The following UNC13A variants were observed in gnomAD, a reference collection of about 807,000 sequenced individuals.
UNC13A encodes the protein protein unc-13 homolog A.
In UNC13A, 61 loss-of-function variants were observed where a neutral mutation model predicts 219.7. That is an observed-to-expected ratio of 0.28 (90% CI 0.23 to 0.34). The LOEUF (loss-of-function observed/expected upper bound fraction) is 0.34, where lower values mean the gene tolerates loss of function less well. UNC13A is among the 10% of genes least tolerant of loss of function. UNC13A has a pLI of 1.00. For synonymous variants in UNC13A, 920 were observed against 884.6 expected (o/e 1.04, Z -0.71); for missense variants, 1,476 against 2,270.3 (o/e 0.65, Z 7.11).
Position 17,668,714 on chromosome 19 carries a change from C to T in UNC13A, c.395-524G>A, listed in dbSNP as rs10412958. ...ATGTTGGCCAGGCTGCTCTCAAACT[C>T]CTGACATCAGGTGATCCATCTGCCT... On this transcript the variant is annotated intron_variant, in intron 5 of 43. Transcript: ENST00000519716. Among the ~76,000 whole-genome samples, 692 of 152,296 alleles carry T rather than the reference C, an allele frequency of 4.5e-3. 7 individuals carry two copies. The highest frequency in any genetic ancestry group is 0.015 in the African/African-American group (618 of 41,566).
At chr19:17,629,130 C>T in intron 31 of UNC13A, 110 bp downstream of exon 31, 1 of 871,382 alleles carries the variant, frequency 1.1e-6, no homozygotes, top group Admixed American at 2.2e-5. Flanking sequence ...TCAGATCACA[C>T]ACAGGTGGAC....
chr19:17,615,640 C>T (rs1405278344), intron 41 of UNC13A, among the ~76,000 whole-genome samples: 3 of 151,036 alleles, frequency 2.0e-5, no homozygotes, highest in African/African-American at 7.3e-5. Flanking sequence ...CTGAGATTTC[C>T]CCACTGCATT....
In UNC13A at chr19:17,605,287, TCA is replaced by T. The variant is rs2076509485; in HGVS notation, c.*765_*766del. ...CAAGTCTCAAGCAGCTCTTTAAGCC[TCA>T]GTTTTGCCATCTGTCAAATGGGTGT... On this transcript the variant is annotated 3_prime_UTR_variant, in exon 44 of 44. Coordinates refer to ENST00000519716, the MANE Select transcript of UNC13A (RefSeq NM_001080421.3). The T allele has an allele frequency of 6.5e-6, 1 of 152,844 alleles. No individual in the cohort carries two copies. Among genetic ancestry groups the T allele is most frequent in the Admixed American group, 6.5e-5 (1 of 15,284 alleles). 9.5% of individuals were successfully genotyped at this position (152,844 alleles called of 1,614,324 possible).
intron 15 of UNC13A, 72 bp downstream of exon 15, chr19:17,648,840 A>C (rs2079292776): frequency 1.3e-6 from 2 of 1,535,818 alleles, no homozygotes; most frequent in Admixed American, 2.1e-5. Context: ...GGACCCACAG[A>C]GGCTTGGACA....
At chr19:17,643,460 C>T (rs1354565437) in intron 19 of UNC13A, among the ~76,000 whole-genome samples, 1 of 151,578 alleles carries the variant, frequency 6.6e-6, no homozygotes, top group Non-Finnish European at 1.5e-5. Context: ...GCTGGGATTA[C>T]AGGCATGTGC....
In UNC13A at chr19:17,656,027, G is replaced by GCTTCC; in HGVS notation, c.1138_1139insGGAAG (p.Ala380GlyfsTer126). The GCTTCC allele has an allele frequency of 1.3e-6, 2 of 1,569,984 alleles. No homozygotes were observed. Among genetic ancestry groups the GCTTCC allele is most frequent in the Non-Finnish European group, 1.7e-6 (2 of 1,157,096 alleles). ...GGCCTTGTCCTCCTTCCCTGGGGCA[G>GCTTCC]CTGGCGGGAGGCTGATGCGTTTGAA... On this transcript the variant is annotated frameshift_variant, in exon 10 of 44. Transcript: ENST00000519716. LOFTEE classifies it high-confidence loss of function.
At chr19:17,616,490 G>C in intron 41 of UNC13A, 1 of 675,262 alleles carries the variant, frequency 1.5e-6, no homozygotes, top group Middle Eastern at 2.4e-4. Context: ...GGTGGAAGGG[G>C]GAGAGAGGTG....
Position 17,656,317 on chromosome 19 carries a change from G to C in UNC13A, c.849C>G (p.Asp283Glu). The C allele has an allele frequency of 6.4e-7, 1 of 1,556,440 alleles. No individual in the cohort carries two copies. Among genetic ancestry groups the C allele is most frequent in the African/African-American group, 1.4e-5 (1 of 73,474 alleles). Residue 283 changes from aspartate to glutamate, a missense_variant, in exon 10 of 44, where the codon GAC (aspartate) becomes GAG (glutamate). Around this residue, in one of 14 missense-constraint regions of UNC13A, gnomAD observed 351 missense variants for 342.6 expected, o/e 1.02. Coordinates refer to ENST00000519716, the MANE Select transcript of UNC13A (RefSeq NM_001080421.3). ...SSQLSEDFDP[D>E]EHSLQGSDME... ...TGTCGGAGCCCTGCAGGCTGTGCTC[G>C]TCAGGGTCGAAGTCCTCGCTCAGCT...
At chr19:17,648,691 T>C (rs183274032) in intron 15 of UNC13A, 41 bp from the exon 16 acceptor site, 1 of 1,580,488 alleles carries the variant, frequency 6.3e-7, no homozygotes, top group African/African-American at 1.3e-5. Flanking sequence ...GCGCCTAACC[T>C]GGCGCTGTCC....
intron 1 of UNC13A, among the ~76,000 whole-genome samples, chr19:17,681,405 T>A (rs1243311011): frequency 6.6e-6 from 1 of 152,076 alleles, no homozygotes; most frequent in Non-Finnish European, 1.5e-5. Flanking sequence ...TTGTGTGTGA[T>A]GTTGGTGGAG....
rs770502091 is a variant in UNC13A at position 17,632,800 on chromosome 19, C to T, written c.3410G>A (p.Arg1137His). 1.3e-5 allele frequency: 21 copies of T among 1,613,724 alleles called. No individual in the cohort carries two copies. Among genetic ancestry groups the T allele is most frequent in the South Asian group, 5.5e-5 (5 of 91,078 alleles). The stretch of plus-strand genomic sequence containing the variant: ...GACTTACGCAGGGTACTCAGGCACG[C>T]GGTCCTTGAAGGCGGGAAGTTCCGT... ...YVTELPAFKDRVPEYPAWFEP... is the reference protein window; with the variant it reads ...YVTELPAFKDHVPEYPAWFEP... The change falls in exon 28 of 44, where the codon CGC (arginine) becomes CAC (histidine). Residue 1137 changes from arginine to histidine, a missense_variant. Physicochemically the swap from Arg to His is conservative, Grantham distance 29 (BLOSUM62 0). Around this residue, in one of 14 missense-constraint regions of UNC13A, gnomAD observed 218 missense variants for 409.4 expected, o/e 0.53. Coordinates refer to ENST00000519716, the MANE Select transcript of UNC13A (RefSeq NM_001080421.3).
intron 4 of UNC13A, among the ~76,000 whole-genome samples, chr19:17,671,291 G>T (rs1053751591): frequency 4.6e-5 from 7 of 152,176 alleles, no homozygotes; most frequent in African/African-American, 1.2e-4. Flanking sequence ...ATCTGGGAGG[G>T]GTAGAGGTTA....
At position 17,630,766 on chromosome 19, in the gene UNC13A, G is replaced by C. The variant is rs367729236; in HGVS notation, c.3429-16C>G. ...TTCAAACCATCTGGAATGAAGAGCC[G>C]GGGTGGGGCTCTGCCACCTCTTGTC... On this transcript the variant is annotated splice_polypyrimidine_tract_variant and intron_variant, in intron 28 of 43. Transcript: ENST00000519716. 4 of 1,608,130 alleles carry C rather than the reference G, an allele frequency of 2.5e-6. No individual in the cohort carries two copies. Among genetic ancestry groups the C allele is most frequent in the Non-Finnish European group, 3.4e-6 (4 of 1,175,468 alleles).
At chr19:17,648,323 G>T in intron 16 of UNC13A, 108 bp downstream of exon 16, 1 of 45,578 alleles carries the variant, frequency 2.2e-5, no homozygotes, top group Non-Finnish European at 3.1e-5. Flanking sequence ...CCCTTGCCCC[G>T]CCCCATGGTG....
chr19:17,646,608 G>A (rs1365353989), intron 17 of UNC13A, among the ~76,000 whole-genome samples: 2 of 152,048 alleles, frequency 1.3e-5, no homozygotes, highest in Non-Finnish European at 2.9e-5. Flanking sequence ...TCTCAGGTGT[G>A]AACTCCCTGA....
Position 17,639,551 on chromosome 19 carries a change from G to T in UNC13A, c.2857-26C>A. 2.5e-6 allele frequency: 4 copies of T among 1,607,540 alleles called. No individual in the cohort carries two copies. The East Asian group carries it at 6.7e-5, about 27-fold the overall frequency. On this transcript the variant is annotated intron_variant, in intron 23 of 43. Coordinates refer to ENST00000519716, the MANE Select transcript of UNC13A (RefSeq NM_001080421.3). Reference sequence around the variant, plus strand: ...CTGTTGGGAGCAGGAAGAGATGTGGGGTTATGGAAGAAGGCGTGGGGAGGA... The same window carrying T: ...CTGTTGGGAGCAGGAAGAGATGTGGTGTTATGGAAGAAGGCGTGGGGAGGA...
chr19:17,630,571 T>TC, intron 29 of UNC13A, 83 bp downstream of exon 29: 1 of 1,420,786 alleles, frequency 7.0e-7, no homozygotes, highest in Non-Finnish European at 9.9e-7. Context: ...TACCAGAGAC[T>TC]GGCCTCATCT....
Position 17,649,057 on chromosome 19 carries a change from CG to C in UNC13A, c.1525-75del. ...TCACCACCAGGAGAGTTCACAGCCACGGATGGGGCCAGCAGCCACATTTTGG... is the reference window on the plus strand; with the variant it reads ...TCACCACCAGGAGAGTTCACAGCCACGATGGGGCCAGCAGCCACATTTTGG... On this transcript the variant is annotated intron_variant, in intron 14 of 43. Coordinates refer to ENST00000519716, the MANE Select transcript of UNC13A (RefSeq NM_001080421.3). This position sits in a 1 kb window ranked among gnomAD's most constrained non-coding sequence, Gnocchi z 4.4. 1 of 1,455,288 alleles carries C rather than the reference CG, an allele frequency of 6.9e-7. No individual in the cohort carries two copies. Among genetic ancestry groups the C allele is most frequent in the Non-Finnish European group, 9.3e-7 (1 of 1,076,542 alleles). 90.1% of individuals were successfully genotyped at this position (1,455,288 alleles called of 1,614,324 possible). A position where few individuals can be genotyped will look rare whatever the true frequency, so the allele number is the denominator to read the frequency against.
At chr19:17,609,020 C>T (rs1266819910) in intron 43 of UNC13A, among the ~76,000 whole-genome samples, 1 of 145,836 alleles carries the variant, frequency 6.9e-6, no homozygotes, top group Non-Finnish European at 1.5e-5. Context: ...TGCAATGGCT[C>T]GATCTTGGCT....
Sources: gnomAD v4.1 joint callset for allele counts (sites outside exome capture counted in the v4.1 genomes callset) on GRCh38, gnomAD v4.1.1 for gene constraint, gnomAD v4.1.1 regional missense constraint, Gnocchi (gnomAD v3.1) non-coding constraint, MANE v1.5 for transcripts, NCBI Gene and HGNC (gene_info 2026-07-23, HGNC 2026-07-21) for gene names.